Variants in KIF19 observed in about 807,000 individuals in gnomAD.
The protein encoded by KIF19 is kinesin family member 19.
Under a neutral mutation model 106.6 loss-of-function variants are expected in KIF19, and 98 were observed. That is an observed-to-expected ratio of 0.92 (90% CI 0.78 to 1.09). The LOEUF is 1.09. KIF19 is among the 50% of genes least tolerant of loss of function. The pLI is 0.00. For synonymous variants in KIF19, 516 were observed against 584.2 expected (o/e 0.88, Z 1.68); for missense variants, 1,373 against 1,414.3 (o/e 0.97, Z 0.47).
In KIF19 at chr17:74,326,858, CGG is replaced by C. The variant is rs1567892156; in HGVS notation, c.39+471_39+472del. 4.6e-5 allele frequency among the ~76,000 whole-genome samples: 7 copies of C among 152,024 alleles called. No homozygotes were observed. In the East Asian group the frequency reaches 1.4e-3, roughly 29 times the overall value. On this transcript the variant is annotated intron_variant, in intron 1 of 19. Coordinates refer to ENST00000389916, the MANE Select transcript of KIF19 (RefSeq NM_153209.4). The stretch of plus-strand genomic sequence containing the variant: ...GGGCCCCTGGTGTCAGGATGGGGCC[CGG>C]AGTGCCTGGTTCTTGGGCTGCAACA...
chr17:74,336,935 C>T (rs2054232248), intron 2 of KIF19, among the ~76,000 whole-genome samples: 1 of 152,156 alleles, frequency 6.6e-6, no homozygotes, highest in Admixed American at 6.5e-5. Context: ...AAGTGATTCT[C>T]CTGCCTCAGC....
rs1287418324 is a variant in KIF19 at position 74,351,982 on chromosome 17, G to A, written c.1703G>A (p.Arg568His). The A allele has an allele frequency of 5.9e-6, 9 of 1,536,048 alleles. No individual in the cohort carries two copies. The highest frequency in any genetic ancestry group is 1.4e-5 in the African/African-American group (1 of 72,468). Residue 568 changes from arginine to histidine, a missense_variant, in exon 13 of 20, where the codon CGC becomes CAC. Around this residue, in one of 3 missense-constraint regions of KIF19, gnomAD observed 1,020 missense variants for 1,008.2 expected, o/e 1.01. Transcript: ENST00000389916. ...EQREVLSLLCRVHELEVENTE... is the reference protein window; with the variant it reads ...EQREVLSLLCHVHELEVENTE... Reference sequence around the variant, plus strand: ...CGCGAGGTGCTCAGCCTGCTGTGCCGCGTGCACGAGCTCGAGGTGGAGAAC... The same window carrying A: ...CGCGAGGTGCTCAGCCTGCTGTGCCACGTGCACGAGCTCGAGGTGGAGAAC...
At chr17:74,343,316 A>G (rs189788824) in intron 5 of KIF19, among the ~76,000 whole-genome samples, 156 bp downstream of exon 5, 84 of 152,304 alleles carry the variant, frequency 5.5e-4, no homozygotes, top group Non-Finnish European at 2.5e-4. Context: ...AGGTTAGGCA[A>G]CTAGGCCAAT....
rs894044224 is a variant in KIF19 at position 74,331,686 on chromosome 17, C to T, written c.120+3181C>T. 5.9e-5 allele frequency among the ~76,000 whole-genome samples: 9 copies of T among 151,950 alleles called. No individual in the cohort carries two copies. Among genetic ancestry groups the T allele is most frequent in the Non-Finnish European group, 1.2e-4 (8 of 67,986 alleles). On this transcript the variant is annotated intron_variant, in intron 2 of 19. Transcript: ENST00000389916. The surrounding 1 kb of genome is among the most constrained non-coding windows in gnomAD (Gnocchi z 4.1). ...CCGCCTCCTGGATTCAAGCGATTCT[C>T]CTGCCTCAGCCTCCCATGTAGCTGG...
chr17:74,332,210 T>TTTGTGTGTGTGTG (rs2054109578), intron 2 of KIF19, among the ~76,000 whole-genome samples: 2 of 108,762 alleles, frequency 1.8e-5, no homozygotes, highest in Admixed American at 8.5e-5. Flanking sequence ...GTGTGTGTGT[T>TTTGTGTGTGTGTG]TGTGTGTGTG....
intron 9 of KIF19, chr17:74,348,897 T>G (rs1411997092): frequency 4.4e-6 from 2 of 450,972 alleles, no homozygotes; most frequent in Non-Finnish European, 8.0e-6. Context: ...TGGAGTGGGA[T>G]GTTCATGCAG....
intron 9 of KIF19, 41 bp from the exon 10 acceptor site, chr17:74,349,143 G>A (rs770397190): frequency 5.6e-6 from 9 of 1,611,180 alleles, no homozygotes; most frequent in Non-Finnish European, 5.9e-6. Context: ...AGTGCACCTG[G>A]GGTGACTGCA....
chr17:74,344,424 A>T (rs2054472483), intron 6 of KIF19, 76 bp downstream of exon 6: 2 of 1,550,966 alleles, frequency 1.3e-6, no homozygotes, highest in Non-Finnish European at 1.7e-6. Context: ...CGGGGACAGA[A>T]GCCAGGGAGC....
At chr17:74,329,138 T>A (rs2054001092) in intron 2 of KIF19, 1 of 152,088 alleles carries the variant, frequency 6.6e-6, no homozygotes, top group South Asian at 2.1e-4. Context: ...TGAGAGTAGG[T>A]AAGAAGGGGA....
At chr17:74,351,520 T>C (rs1218130732) in intron 12 of KIF19, among the ~76,000 whole-genome samples, 2 of 151,734 alleles carry the variant, frequency 1.3e-5, no homozygotes, top group Non-Finnish European at 2.9e-5. Context: ...ATAATTAGGG[T>C]TTTCCCAATA....
Position 74,355,536 on chromosome 17 carries a change from C to A in KIF19, c.*224C>A, listed in dbSNP as rs994249221. ...AGGCCAGGGGACATGGCCAGGACGG[C>A]TGGGCTCCCTGGCTTCCCAGCCCTG... On this transcript the variant is annotated 3_prime_UTR_variant, in exon 20 of 20. Transcript: ENST00000389916. 4.2e-5 allele frequency: 22 copies of A among 521,662 alleles called. No homozygotes were observed. The highest frequency in any genetic ancestry group is 3.9e-4 in the African/African-American group (20 of 50,772). The allele number at this position is 521,662 out of a possible 1,614,324, so 32.3% of individuals were successfully genotyped here. A position where few individuals can be genotyped will look rare whatever the true frequency, so the allele number is the denominator to read the frequency against.
rs1433834806 is a variant in KIF19, at chr17:74,351,935, G to T, written c.1656G>T (p.Arg552=). 1.4e-6 allele frequency: 2 copies of T among 1,458,100 alleles called. No individual in the cohort carries two copies. Among genetic ancestry groups the T allele is most frequent in the Non-Finnish European group, 1.8e-6 (2 of 1,111,770 alleles). 90.3% of individuals were successfully genotyped at this position (1,458,100 alleles called of 1,614,324 possible). Residue 552 remains arginine, a synonymous_variant, in exon 13 of 20, where the codon CGG becomes CGT. Transcript: ENST00000389916. ...RGRRLEETLP[R]RIGSEEQREV... ...GGCGCCTGGAGGAGACGCTGCCGCG[G>T]CGCATCGGCTCCGAGGAGCAGCGCG...
chr17:74,351,971 C>G lies in KIF19; in HGVS notation c.1692C>G (p.Ser564Arg). The G allele has an allele frequency of 6.6e-7, 1 of 1,526,068 alleles. No individual in the cohort carries two copies. The highest frequency in any genetic ancestry group is 1.4e-5 in the African/African-American group (1 of 71,494). 94.5% of individuals were successfully genotyped at this position (1,526,068 alleles called of 1,614,324 possible). A position where few individuals can be genotyped will look rare whatever the true frequency, so the allele number is the denominator to read the frequency against. Residue 564 changes from serine (S) to arginine (R), a missense_variant, in exon 13 of 20, where the codon AGC (serine) becomes AGG (arginine). By Grantham distance (110) the Ser-to-Arg change is moderately radical. Around this residue, in one of 3 missense-constraint regions of KIF19, gnomAD observed 1,020 missense variants for 1,008.2 expected, o/e 1.01. Transcript: ENST00000389916. ...CCGAGGAGCAGCGCGAGGTGCTCAG[C>G]CTGCTGTGCCGCGTGCACGAGCTCG... Reference protein sequence around the residue: ...IGSEEQREVLSLLCRVHELEV... With the variant: ...IGSEEQREVLRLLCRVHELEV...
In KIF19 at chr17:74,352,034, C is replaced by A; in HGVS notation, c.1755C>A (p.Leu585=). The A allele has an allele frequency of 1.3e-6, 2 of 1,571,796 alleles. No homozygotes were observed. Among genetic ancestry groups the A allele is most frequent in the South Asian group, 1.1e-5 (1 of 87,070 alleles). The change falls in exon 13 of 20, where the codon CTC becomes CTA. Residue 585 remains leucine (L), a synonymous_variant. Transcript: ENST00000389916. ...CCGAGATGCAGTCGCACGCGCTGCT[C>A]CGCGACGGTGCGCTCCGCCACCGCC... is the stretch of plus-strand genomic sequence containing the variant. The part of the protein sequence containing the change: ...ENTEMQSHAL[L]RDGALRHRHE...
intron 2 of KIF19, among the ~76,000 whole-genome samples, chr17:74,335,450 C>T (rs1397106841): frequency 6.6e-6 from 1 of 152,244 alleles, no homozygotes; most frequent in East Asian, 1.9e-4. Flanking sequence ...GAGCCTGGTC[C>T]CCCGATAGGG....
chr17:74,326,226 G>C lies in KIF19; in HGVS notation c.-124G>C. ...TAGCCGCTGGCGCGTTGTTGGTTTC[G>C]GGTTGTCAGGCAGCGCGCGAGGCGG... is the stretch of plus-strand genomic sequence containing the variant. On this transcript the variant is annotated 5_prime_UTR_variant, in exon 1 of 20. Transcript: ENST00000389916. The C allele has an allele frequency of 1.2e-6, 1 of 855,552 alleles. No homozygotes were observed. The highest frequency in any genetic ancestry group is 1.7e-6 in the Non-Finnish European group (1 of 577,944). 53.0% of individuals were successfully genotyped at this position (855,552 alleles called of 1,614,324 possible).
rs79245588 is a variant in KIF19 at position 74,342,388 on chromosome 17, G to A, written c.232-242G>A. Among the ~76,000 whole-genome samples the A allele has an allele frequency of 1.1e-4, 16 of 152,214 alleles. No homozygotes were observed. The East Asian group carries it at 2.7e-3, about 26-fold the overall frequency. ...AACAGATGTGATGCATCCTCAGGGC[G>A]GGGGGCCAGGAGCCAGCTGCGCAGG... On this transcript the variant is annotated intron_variant, in intron 3 of 19. Transcript: ENST00000389916.
rs369641076 is a variant in KIF19, at chr17:74,346,354, G to C, written c.778-24G>C. 7 of 1,562,434 alleles carry C rather than the reference G, an allele frequency of 4.5e-6. No individual in the cohort carries two copies. On this transcript the variant is annotated intron_variant, in intron 7 of 19. Transcript: ENST00000389916. This position sits in a 1 kb window ranked among gnomAD's most constrained non-coding sequence, Gnocchi z 4.6. ...AGTCCCCTGCCTCATCAGGCCACAC[G>C]TGTGCCCTTTGCTCGCCCCCTAGAC...
chr17:74,341,813 G>T (rs954346321), intron 2 of KIF19, 63 bp from the exon 3 acceptor site: 12 of 1,095,252 alleles, frequency 1.1e-5, no homozygotes, highest in Non-Finnish European at 1.6e-5. Flanking sequence ...CTTCCTGAGG[G>T]TTGACCTCAT....
Sources: allele counts gnomAD v4.1 joint callset (sites outside exome capture counted in the v4.1 genomes callset), GRCh38; gene constraint gnomAD v4.1.1; regional missense constraint gnomAD v4.1.1; non-coding constraint Gnocchi (gnomAD v3.1); transcripts MANE v1.5; gene names NCBI Gene and HGNC (gene_info 2026-07-23, HGNC 2026-07-21).